OTUD7A: variants seen among roughly 807,000 people sequenced by gnomAD.
OTUD7A encodes OTU deubiquitinase 7A.
Under a neutral mutation model 65.7 loss-of-function variants are expected in OTUD7A, and 12 were observed. That is an observed-to-expected ratio of 0.18 (90% CI 0.12 to 0.30). The LOEUF (loss-of-function observed/expected upper bound fraction) is 0.30, where lower values mean the gene tolerates loss of function less well. OTUD7A is among the 10% of genes least tolerant of loss of function. OTUD7A has a pLI of 1.00. For missense variants in OTUD7A, 1,148 were observed against 1,304.8 expected, an observed-to-expected ratio of 0.88 and a Z score of 1.85; for synonymous variants, 641 against 586.3, an observed-to-expected ratio of 1.09 and a Z score of -1.35.
At chr15:31,835,544 G>A (rs1897033473) in intron 1 of OTUD7A, among the ~76,000 whole-genome samples, 1 of 152,132 alleles carries the variant, frequency 6.6e-6, no homozygotes, top group Non-Finnish European at 1.5e-5. Context: ...TCATTGACAA[G>A]AAATGCAAGT....
chr15:31,537,891 T>C (rs909248990), intron 5 of OTUD7A, among the ~76,000 whole-genome samples: 2 of 152,172 alleles, frequency 1.3e-5, no homozygotes, highest in Non-Finnish European at 2.9e-5. Context: ...ATGAGGCAGG[T>C]GGTCTGCATT....
chr15:31,602,479 C>G (rs1366159829), intron 3 of OTUD7A, among the ~76,000 whole-genome samples: 1 of 152,134 alleles, frequency 6.6e-6, no homozygotes, highest in African/African-American at 2.4e-5. Flanking sequence ...CTATTTATGA[C>G]AAACCCAGAG....
At chr15:31,777,223 G>A (rs1048835786) in intron 1 of OTUD7A, among the ~76,000 whole-genome samples, 101 of 152,210 alleles carry the variant, frequency 6.6e-4, no homozygotes, top group African/African-American at 2.4e-3. Flanking sequence ...TTGGCAAGGG[G>A]TCTCTCTCAG....
At chr15:31,645,150 G>A (rs980077797) in intron 3 of OTUD7A, among the ~76,000 whole-genome samples, 1 of 152,162 alleles carries the variant, frequency 6.6e-6, no homozygotes, top group African/African-American at 2.4e-5. Context: ...GCTTCCTCTG[G>A]GTTCCCCCTC....
Position 31,594,273 on chromosome 15 carries a change from C to G in OTUD7A, c.152-24076G>C, listed in dbSNP as rs181890752. On this transcript the variant is annotated intron_variant, in intron 3 of 12. Coordinates refer to ENST00000307050, the MANE Select transcript of OTUD7A (RefSeq NM_001382637.1). ...AGAAATCCATTCCTTTCAGTTAAAT[C>G]GTTTCAGTTAAAAATTCCCGAGGCA... Among the ~76,000 whole-genome samples, 55 of 152,252 alleles carry G rather than the reference C, an allele frequency of 3.6e-4. 2 individuals are homozygous for G. Among genetic ancestry groups the G allele is most frequent in the Admixed American group, 3.1e-3 (48 of 15,298 alleles).
At chr15:31,773,859 G>C (rs563944757) in intron 1 of OTUD7A, among the ~76,000 whole-genome samples, 3 of 152,326 alleles carry the variant, frequency 2.0e-5, no homozygotes, top group African/African-American at 7.2e-5. Context: ...TAGTGAATGA[G>C]ATGGTGGGAG....
chr15:31,503,113 G>A (rs910606475), intron 9 of OTUD7A, among the ~76,000 whole-genome samples: 2 of 152,194 alleles, frequency 1.3e-5, no homozygotes, highest in African/African-American at 4.8e-5. Context: ...TGTAAAGTGG[G>A]GAGGGTGGTG....
chr15:31,710,535 A>G (rs1893415613), intron 1 of OTUD7A, among the ~76,000 whole-genome samples: 1 of 152,166 alleles, frequency 6.6e-6, no homozygotes, highest in Non-Finnish European at 1.5e-5. Context: ...CAGGACAGCA[A>G]GACCTCAGGG....
chr15:31,788,155 C>T (rs899251694), intron 1 of OTUD7A, among the ~76,000 whole-genome samples: 1 of 152,152 alleles, frequency 6.6e-6, no homozygotes, highest in Non-Finnish European at 1.5e-5. Context: ...TTTTGTCTTT[C>T]CAATATTTAC....
intron 1 of OTUD7A, among the ~76,000 whole-genome samples, chr15:31,864,438 G>A (rs1369966014): frequency 1.3e-5 from 2 of 152,126 alleles, no homozygotes; most frequent in East Asian, 1.9e-4. Flanking sequence ...TCAGAATTAC[G>A]GCAGGGAGCG....
Position 31,503,807 on chromosome 15 carries a change from G to A in OTUD7A, c.905C>T (p.Ser302Phe). The A allele has an allele frequency of 6.2e-7, 1 of 1,614,188 alleles. No homozygotes were observed. Among genetic ancestry groups the A allele is most frequent in the Non-Finnish European group, 8.5e-7 (1 of 1,180,036 alleles). Reference protein sequence around the residue: ...NGGTGGGVDNSEDPVYESLEE... With the variant: ...NGGTGGGVDNFEDPVYESLEE... The stretch of plus-strand genomic sequence containing the variant: ...CAGGCTCTCGTACACGGGGTCCTCA[G>A]AGTTGTCCACACTGTGAAACAAAAC... The change falls in exon 9 of 13, where the codon TCT becomes TTT. Residue 302 changes from serine to phenylalanine, a missense_variant. This residue lies in a region of OTUD7A where 25 missense variants were observed against 18.7 expected (regional missense o/e 1.34). Coordinates refer to ENST00000307050, the MANE Select transcript of OTUD7A (RefSeq NM_001382637.1).
intron 1 of OTUD7A, among the ~76,000 whole-genome samples, chr15:31,796,417 C>G (rs141960729): frequency 6.6e-6 from 1 of 152,230 alleles, no homozygotes; most frequent in East Asian, 1.9e-4. Flanking sequence ...TGGGGAAGCT[C>G]AGTCTTTTTT....
At chr15:31,865,025 GC>G (rs869116228) in intron 1 of OTUD7A, among the ~76,000 whole-genome samples, 5 of 98,456 alleles carry the variant, frequency 5.1e-5, no homozygotes, top group Non-Finnish European at 9.6e-5. Flanking sequence ...TGCCCTTGTG[GC>G]CCCCCCCTGG....
chr15:31,618,800 T>C (rs74826272), intron 3 of OTUD7A, among the ~76,000 whole-genome samples: 7,840 of 152,286 alleles, frequency 0.051, 407 homozygotes, highest in African/African-American at 0.14. Context: ...TTTGTCAATG[T>C]TGGCTTTTGT....
intron 1 of OTUD7A, chr15:31,689,584 A>G (rs932965880): frequency 6.6e-6 from 1 of 152,154 alleles, no homozygotes; most frequent in African/African-American, 2.4e-5. Flanking sequence ...TAAAAATTAA[A>G]TATTAATGTT....
At chr15:31,808,096 C>T (rs1435060931) in intron 1 of OTUD7A, among the ~76,000 whole-genome samples, 2 of 92,262 alleles carry the variant, frequency 2.2e-5, no homozygotes, top group Non-Finnish European at 4.3e-5. Flanking sequence ...TAACAAATGC[C>T]AAACACACAC....
chr15:31,561,766 TCTCACACACACACAGA>T (rs1263380241), intron 4 of OTUD7A, among the ~76,000 whole-genome samples: 1 of 135,262 alleles, frequency 7.4e-6, no homozygotes, highest in Non-Finnish European at 1.6e-5. Flanking sequence ...ATATCATCTC[TCTCACACACACACAGA>T]GTCACACACA....
At position 31,774,366 on chromosome 15, in the gene OTUD7A, C is replaced by T. The variant is rs78320251; in HGVS notation, c.-100+96141G>A. On this transcript the variant is annotated intron_variant, in intron 1 of 12. Transcript: ENST00000307050. ...GGGGCCTCCTGCCGGCTCTTCATGA[C>T]GCTTTAGACTGCTTTAAAATGTCTT... Among the ~76,000 whole-genome samples the T allele has an allele frequency of 6.3e-3, 955 of 152,366 alleles. 8 individuals are homozygous for T. The highest frequency in any genetic ancestry group is 0.02 in the African/African-American group (838 of 41,588).
chr15:31,719,139 C>A (rs933525235), intron 1 of OTUD7A, among the ~76,000 whole-genome samples: 1 of 152,074 alleles, frequency 6.6e-6, no homozygotes, highest in Non-Finnish European at 1.5e-5. Context: ...GGCTGGAGTG[C>A]GGTAGTGCAA....
Sources: allele counts gnomAD v4.1 joint callset (sites outside exome capture counted in the v4.1 genomes callset), GRCh38; gene constraint gnomAD v4.1.1; regional missense constraint gnomAD v4.1.1; transcripts MANE v1.5; gene names NCBI Gene and HGNC (gene_info 2026-07-23, HGNC 2026-07-21).